Variants in UBE2N observed in about 807,000 individuals in gnomAD.
UBE2N encodes ubiquitin conjugating enzyme E2 N, also known as ubiquitin-conjugating enzyme E2 N.
For missense variants in UBE2N, 60 were observed against 192.1 expected, an observed-to-expected ratio of 0.31 and a Z score of 4.07; for synonymous variants, 70 against 69.2, an observed-to-expected ratio of 1.01 and a Z score of -0.06.
chr12:93,438,581 G>A (rs1879006687), intron 1 of UBE2N, among the ~76,000 whole-genome samples: 1 of 151,900 alleles, frequency 6.6e-6, no homozygotes, highest in African/African-American at 2.4e-5. Flanking sequence ...AAGGGGTGGG[G>A]GGGAAGGCAA....
intron 1 of UBE2N, among the ~76,000 whole-genome samples, chr12:93,427,543 C>T (rs1167566908): frequency 6.6e-6 from 1 of 152,082 alleles, no homozygotes; most frequent in East Asian, 1.9e-4. Context: ...GAAGTGTGTA[C>T]AATAGGAAAA....
In UBE2N at chr12:93,406,979, C is replaced by T. The variant is rs931154811; in HGVS notation, c.*3060G>A. 6.6e-6 allele frequency: 1 copy of T among 152,208 alleles called. No homozygotes were observed. The highest frequency in any genetic ancestry group is 1.5e-5 in the Non-Finnish European group (1 of 68,044). 9.4% of individuals were successfully genotyped at this position (152,208 alleles called of 1,614,324 possible). A position where few individuals can be genotyped will look rare whatever the true frequency, so the allele number is the denominator to read the frequency against. Reference sequence around the variant, plus strand: ...AAGTCAAAAAACATAAAGCTCCTATCAACACCTCAAGATTTTAGAAAAGCC... The same window carrying T: ...AAGTCAAAAAACATAAAGCTCCTATTAACACCTCAAGATTTTAGAAAAGCC... On this transcript the variant is annotated 3_prime_UTR_variant, in exon 4 of 4. Coordinates refer to ENST00000318066, the MANE Select transcript of UBE2N (RefSeq NM_003348.4).
chr12:93,431,004 G>A (rs968259616), intron 1 of UBE2N, among the ~76,000 whole-genome samples: 28 of 151,234 alleles, frequency 1.9e-4, no homozygotes, highest in African/African-American at 6.5e-4. Context: ...CAAGGCGGGC[G>A]AATCACAAGG....
intron 1 of UBE2N, among the ~76,000 whole-genome samples, chr12:93,418,109 G>A (rs1198881230): frequency 6.6e-6 from 1 of 151,952 alleles, no homozygotes; most frequent in African/African-American, 2.4e-5. Context: ...GATGACAGAC[G>A]TGAGCCACCA....
chr12:93,410,141 C>A, intron 3 of UBE2N, 62 bp from the exon 4 acceptor site: 1 of 1,494,174 alleles, frequency 6.7e-7, no homozygotes, highest in Non-Finnish European at 9.3e-7. Context: ...ACTTTCCAAA[C>A]TATAAATGGC....
chr12:93,435,913 T>G (rs1185163687), intron 1 of UBE2N, among the ~76,000 whole-genome samples: 3 of 148,682 alleles, frequency 2.0e-5, no homozygotes, highest in African/African-American at 7.3e-5. Flanking sequence ...TAAATGTATT[T>G]TCTTAAGTAA....
intron 1 of UBE2N, among the ~76,000 whole-genome samples, chr12:93,434,493 AG>A (rs1181559703): frequency 5.9e-5 from 9 of 152,238 alleles, no homozygotes; most frequent in African/African-American, 2.2e-4. Flanking sequence ...GACACAGAGG[AG>A]CTTAAAAAAG....
intron 1 of UBE2N, among the ~76,000 whole-genome samples, chr12:93,419,741 C>T (rs1382103776): frequency 6.6e-6 from 1 of 152,224 alleles, no homozygotes; most frequent in Non-Finnish European, 1.5e-5. Context: ...TATGATCACT[C>T]CTTGCTTTGG....
At chr12:93,431,766 A>G (rs888652166) in intron 1 of UBE2N, among the ~76,000 whole-genome samples, 1 of 152,204 alleles carries the variant, frequency 6.6e-6, no homozygotes, top group African/African-American at 2.4e-5. Flanking sequence ...TTAAACAGTA[A>G]TAATTATTTT....
Position 93,408,063 on chromosome 12 carries a change from G to T in UBE2N, c.*1976C>A, listed in dbSNP as rs376669439. The stretch of plus-strand genomic sequence containing the variant: ...ACAGATTTAAATCTGGAATTTCATG[G>T]TTTGTAAATCACTATGTGATACTAG... On this transcript the variant is annotated 3_prime_UTR_variant, in exon 4 of 4. Transcript: ENST00000318066. 2.6e-5 allele frequency: 4 copies of T among 152,304 alleles called. No individual in the cohort carries two copies. In the East Asian group the frequency reaches 7.7e-4, roughly 29 times the overall value. The allele number at this position is 152,304 out of a possible 1,614,324, so 9.4% of individuals were successfully genotyped here.
chr12:93,429,337 C>T (rs757540522), intron 1 of UBE2N: 17 of 414,870 alleles, frequency 4.1e-5, no homozygotes, highest in Non-Finnish European at 7.4e-5. Context: ...CAAGATAACT[C>T]TAACATATTT....
chr12:93,432,576 G>T (rs900865546), intron 1 of UBE2N, among the ~76,000 whole-genome samples: 5 of 151,750 alleles, frequency 3.3e-5, no homozygotes, highest in Non-Finnish European at 7.4e-5. Context: ...AATCACCAAT[G>T]GTTTCATGAT....
chr12:93,432,156 C>T (rs1441964836), intron 1 of UBE2N, among the ~76,000 whole-genome samples: 2 of 152,092 alleles, frequency 1.3e-5, no homozygotes, highest in East Asian at 1.9e-4. Context: ...TGCTTGAACC[C>T]GGGAGGCAGA....
chr12:93,432,318 T>C (rs900834510), intron 1 of UBE2N, among the ~76,000 whole-genome samples: 1 of 151,866 alleles, frequency 6.6e-6, no homozygotes, highest in East Asian at 1.9e-4. Flanking sequence ...GTCCAATTAA[T>C]TGAACTGAAA....
chr12:93,431,570 C>T (rs2121091505), intron 1 of UBE2N, among the ~76,000 whole-genome samples: 1 of 152,272 alleles, frequency 6.6e-6, no homozygotes, highest in South Asian at 2.1e-4. Flanking sequence ...TAGAACAGTG[C>T]CTGGTACACG....
intron 1 of UBE2N, among the ~76,000 whole-genome samples, chr12:93,427,603 G>T (rs1878634307): frequency 6.6e-6 from 1 of 152,222 alleles, no homozygotes; most frequent in South Asian, 2.1e-4. Context: ...TGAAGGTAGA[G>T]TGACTGCTAA....
Position 93,413,417 on chromosome 12 carries a change from C to T in UBE2N, c.31-2118G>A, listed in dbSNP as rs561611031. Among the ~76,000 whole-genome samples the T allele has an allele frequency of 3.3e-5, 5 of 152,244 alleles. No homozygotes were observed. The South Asian group carries it at 1.0e-3, about 32-fold the overall frequency. On this transcript the variant is annotated intron_variant, in intron 1 of 3. Coordinates refer to ENST00000318066, the MANE Select transcript of UBE2N (RefSeq NM_003348.4). ...TCATGTAATGCAATGAATTTAAATA[C>T]TAAACACACTCTATAAGCTGAAGCC... is the stretch of plus-strand genomic sequence containing the variant.
chr12:93,410,897 A>C (rs1422053112), intron 2 of UBE2N, 23 bp from the exon 3 acceptor site: 1 of 1,614,194 alleles, frequency 6.2e-7, no homozygotes, highest in East Asian at 2.2e-5. Flanking sequence ...CAGGCCCAGT[A>C]TGATAAAGCA....
At position 93,436,528 on chromosome 12, in the gene UBE2N, G is replaced by A. The variant is rs112013061; in HGVS notation, c.30+5327C>T. ...CTATAGATCTCACTTATCGGTTCCCGAAAGTGATTCTCCTTTATGACAGGA... is the reference window on the plus strand; with the variant it reads ...CTATAGATCTCACTTATCGGTTCCCAAAAGTGATTCTCCTTTATGACAGGA... On this transcript the variant is annotated intron_variant, in intron 1 of 3. Coordinates refer to ENST00000318066, the MANE Select transcript of UBE2N (RefSeq NM_003348.4). Among the ~76,000 whole-genome samples the A allele has an allele frequency of 9.2e-3, 1,407 of 152,288 alleles. 20 individuals are homozygous for A. The highest frequency in any genetic ancestry group is 0.031 in the African/African-American group (1,289 of 41,558).
Sources: allele counts gnomAD v4.1 joint callset (sites outside exome capture counted in the v4.1 genomes callset), GRCh38; gene constraint gnomAD v4.1.1; transcripts MANE v1.5; gene names NCBI Gene and HGNC (gene_info 2026-07-23, HGNC 2026-07-21).